The following IQCM variants were observed in gnomAD, a reference collection of about 807,000 sequenced individuals.
IQCM encodes the protein IQ motif containing M.
In IQCM, 45 loss-of-function variants were observed where a neutral mutation model predicts 57.6. The ratio of observed to expected loss-of-function variants is 0.78; its 90% CI spans 0.62 to 1.00. The LOEUF is 1.00. Ranked by LOEUF, IQCM falls within the 50% of genes least tolerant of loss-of-function variation. The pLI is 0.00. For missense variants in IQCM, 468 were observed against 511.6 expected (o/e 0.91, Z 0.82); for synonymous variants, 148 against 158.9 (o/e 0.93, Z 0.51).
At chr4:149,601,929 C>T (rs1754333946) in intron 8 of IQCM, among the ~76,000 whole-genome samples, 1 of 150,922 alleles carries the variant, frequency 6.6e-6, no homozygotes, top group African/African-American at 2.4e-5. Flanking sequence ...TGGCTGTCGC[C>T]TGTAGTCTGA....
chr4:149,734,319 T>A (rs1308916702), intron 4 of IQCM, among the ~76,000 whole-genome samples: 3 of 152,196 alleles, frequency 2.0e-5, no homozygotes, highest in Non-Finnish European at 2.9e-5. Flanking sequence ...TTTAAACAGG[T>A]CAAGTTTCTA....
At chr4:149,687,386 A>G (rs1190451043) in intron 5 of IQCM, among the ~76,000 whole-genome samples, 1 of 151,516 alleles carries the variant, frequency 6.6e-6, no homozygotes, top group Non-Finnish European at 1.5e-5. Flanking sequence ...ACAGATTGAC[A>G]ATATTCAGAA....
intron 2 of IQCM, among the ~76,000 whole-genome samples, chr4:149,803,321 T>C (rs1160494543): frequency 1.3e-5 from 2 of 152,036 alleles, no homozygotes; most frequent in Admixed American, 1.3e-4. Context: ...ATTTCCACCA[T>C]ATGCATATTA....
chr4:149,481,221 G>A (rs1481648486), intron 12 of IQCM, among the ~76,000 whole-genome samples: 1 of 152,004 alleles, frequency 6.6e-6, no homozygotes, highest in East Asian at 1.9e-4. Context: ...GCACTTTGTT[G>A]ATTGTTTCCA....
At chr4:149,468,336 CA>C (rs943264565) in intron 12 of IQCM, among the ~76,000 whole-genome samples, 36 of 152,310 alleles carry the variant, frequency 2.4e-4, no homozygotes, top group African/African-American at 7.9e-4. Flanking sequence ...ATATCCCGCG[CA>C]TAGCTCAGAG....
chr4:149,507,478 G>A (rs1167434412), intron 12 of IQCM, among the ~76,000 whole-genome samples: 2 of 152,204 alleles, frequency 1.3e-5, no homozygotes, highest in East Asian at 3.9e-4. Context: ...TGAGGAACTT[G>A]TTGGGAATTG....
At chr4:149,391,116 T>C (rs1241708062) in intron 13 of IQCM, among the ~76,000 whole-genome samples, 9 of 151,946 alleles carry the variant, frequency 5.9e-5, no homozygotes, top group Non-Finnish European at 1.3e-4. Context: ...ACAATGAAGC[T>C]TTCTGGACCT....
At chr4:149,762,875 T>C (rs1043487651) in intron 2 of IQCM, among the ~76,000 whole-genome samples, 4 of 152,176 alleles carry the variant, frequency 2.6e-5, no homozygotes, top group African/African-American at 7.2e-5. Context: ...GTTAATCTGT[T>C]GCCACATAGC....
intron 2 of IQCM, among the ~76,000 whole-genome samples, chr4:149,798,487 C>T (rs1424536098): frequency 7.9e-5 from 12 of 151,922 alleles, no homozygotes; most frequent in Admixed American, 3.9e-4. Context: ...AGGAGTAAGT[C>T]CTTACTTGTC....
intron 13 of IQCM, among the ~76,000 whole-genome samples, chr4:149,386,431 T>C (rs533248306): frequency 6.6e-6 from 1 of 152,214 alleles, no homozygotes; most frequent in South Asian, 2.1e-4. Flanking sequence ...GTTGAAGTAT[T>C]TTAGAGGCAA....
intron 13 of IQCM, among the ~76,000 whole-genome samples, chr4:149,420,121 A>G (rs1325243791): frequency 6.6e-6 from 1 of 152,248 alleles, no homozygotes; most frequent in Non-Finnish European, 1.5e-5. Flanking sequence ...ATACCATTTG[A>G]CTCTGCAATC....
intron 5 of IQCM, among the ~76,000 whole-genome samples, chr4:149,708,284 A>G (rs1201647749): frequency 1.3e-5 from 2 of 152,068 alleles, no homozygotes; most frequent in Non-Finnish European, 2.9e-5. Flanking sequence ...TGGAAACTTT[A>G]CAAGTTATAC....
chr4:149,713,083 C>T (rs577604512), intron 5 of IQCM, among the ~76,000 whole-genome samples: 34 of 151,734 alleles, frequency 2.2e-4, no homozygotes, highest in African/African-American at 7.7e-4. Flanking sequence ...CCTACTAAAA[C>T]AAAATATTAA....
intron 12 of IQCM, among the ~76,000 whole-genome samples, chr4:149,486,017 GTCTCTCTCTCTCTCTCTCTCTC>G (rs71596213): frequency 4.6e-4 from 56 of 121,692 alleles, no homozygotes; most frequent in Admixed American, 5.6e-4. Context: ...AGCAAACAGA[GTCTCTCTCTCTCTCTCTCTCTC>G]TCTCTCTCTC....
At chr4:149,694,225 T>C (rs1489844539) in intron 5 of IQCM, among the ~76,000 whole-genome samples, 1 of 137,852 alleles carries the variant, frequency 7.3e-6, no homozygotes, top group Non-Finnish European at 1.6e-5. Context: ...TTTCTTTTTT[T>C]TTTTTTTTTT....
intron 7 of IQCM, among the ~76,000 whole-genome samples, chr4:149,643,913 A>G (rs1167866791): frequency 2.0e-5 from 3 of 152,206 alleles, no homozygotes; most frequent in Non-Finnish European, 4.4e-5. Flanking sequence ...TCATAATTTT[A>G]TATTAACTGA....
At chr4:149,437,369 G>A (rs1490482542) in intron 12 of IQCM, among the ~76,000 whole-genome samples, 1 of 152,080 alleles carries the variant, frequency 6.6e-6, no homozygotes, top group Non-Finnish European at 1.5e-5. Flanking sequence ...TTTTGTAGCA[G>A]CTGTTGAAAA....
intron 7 of IQCM, among the ~76,000 whole-genome samples, chr4:149,675,916 AGAT>A (rs1761710117): frequency 6.6e-6 from 1 of 152,026 alleles, no homozygotes; most frequent in Non-Finnish European, 1.5e-5. Flanking sequence ...TGAGGATTAC[AGAT>A]GATGAAACTA....
intron 7 of IQCM, among the ~76,000 whole-genome samples, chr4:149,628,198 C>A (rs1756974027): frequency 6.6e-6 from 1 of 152,040 alleles, no homozygotes; most frequent in Non-Finnish European, 1.5e-5. Context: ...CTGTTTAAAT[C>A]TAAAAATATT....
Sources: gnomAD v4.1 joint callset for allele counts (sites outside exome capture counted in the v4.1 genomes callset) on GRCh38, gnomAD v4.1.1 for gene constraint, MANE v1.5 for transcripts, NCBI Gene and HGNC (gene_info 2026-07-23, HGNC 2026-07-21) for gene names.